LYPD6B: variants seen among roughly 807,000 people sequenced by gnomAD.
The protein encoded by LYPD6B is ly6/PLAUR domain-containing protein 6B.
LYPD6B carries 17 observed loss-of-function variants against 22.8 expected under a neutral mutation model. That is an observed-to-expected ratio of 0.75 (90% CI 0.51 to 1.12). The LOEUF is 1.12. Among genes scored for constraint, LYPD6B ranks in the 50% most tolerant of loss-of-function variants. LYPD6B has a pLI of 0.00. For synonymous variants in LYPD6B, 106 were observed against 91.6 expected (o/e 1.16, Z -0.90); for missense variants, 221 against 258.3 (o/e 0.86, Z 0.99).
intron 2 of LYPD6B, among the ~76,000 whole-genome samples, chr2:149,147,906 C>CTGTGTGTGTGTGTGTGTG (rs61441741): frequency 0.03 from 4,126 of 139,002 alleles, 108 homozygotes; most frequent in Non-Finnish European, 0.034. Flanking sequence ...GCACATGGGC[C>CTGTGTGTGTGTGTGTGTG]TGTGTGTGTG....
At chr2:149,147,906 CTG>C (rs61441741) in intron 2 of LYPD6B, among the ~76,000 whole-genome samples, 369 of 138,880 alleles carry the variant, frequency 2.7e-3, no homozygotes, top group Middle Eastern at 3.8e-3. Flanking sequence ...GCACATGGGC[CTG>C]TGTGTGTGTG....
intron 1 of LYPD6B, among the ~76,000 whole-genome samples, chr2:149,041,515 C>T (rs571897595): frequency 2.6e-5 from 4 of 152,278 alleles, no homozygotes; most frequent in East Asian, 3.9e-4. Flanking sequence ...AGCTATTTTC[C>T]GGAGCTGTAG....
chr2:149,191,886 T>C (rs1244159666), intron 3 of LYPD6B, among the ~76,000 whole-genome samples: 1 of 152,138 alleles, frequency 6.6e-6, no homozygotes, highest in African/African-American at 2.4e-5. Flanking sequence ...GCCTGAAGCT[T>C]GGGGCAGGCA....
chr2:149,206,595 C>T (rs1030370474), intron 4 of LYPD6B, among the ~76,000 whole-genome samples: 3 of 151,906 alleles, frequency 2.0e-5, no homozygotes, highest in Non-Finnish European at 4.4e-5. Context: ...AGAAAAAAAT[C>T]ATTTTAAAAA....
chr2:149,155,770 C>G (rs1689662770), intron 2 of LYPD6B, among the ~76,000 whole-genome samples: 1 of 152,200 alleles, frequency 6.6e-6, no homozygotes. Flanking sequence ...GGCCTAATGC[C>G]TGCCTATGCT....
chr2:149,100,165 A>G (rs1259266800), intron 1 of LYPD6B, among the ~76,000 whole-genome samples: 6 of 152,004 alleles, frequency 3.9e-5, no homozygotes, highest in Admixed American at 3.9e-4. Flanking sequence ...GTCATCCTGT[A>G]TTTTCAAGTT....
At chr2:149,163,303 C>A (rs1380641964) in intron 3 of LYPD6B, among the ~76,000 whole-genome samples, 1 of 152,130 alleles carries the variant, frequency 6.6e-6, no homozygotes, top group Non-Finnish European at 1.5e-5. Context: ...TCAAGATGAT[C>A]AGACCTGTAA....
chr2:149,175,528 A>C (rs1385627784), intron 3 of LYPD6B, among the ~76,000 whole-genome samples: 1 of 152,032 alleles, frequency 6.6e-6, no homozygotes, highest in South Asian at 2.1e-4. Flanking sequence ...ATTTATTAAA[A>C]ATATTTTTCT....
intron 1 of LYPD6B, among the ~76,000 whole-genome samples, chr2:149,057,186 TTATTC>T (rs1017666483): frequency 1.3e-5 from 2 of 152,094 alleles, no homozygotes; most frequent in African/African-American, 4.8e-5. Flanking sequence ...AAGAAACTCT[TTATTC>T]TAGTTTTATT....
chr2:149,125,923 A>G (rs1687671637), intron 1 of LYPD6B, among the ~76,000 whole-genome samples: 1 of 152,146 alleles, frequency 6.6e-6, no homozygotes, highest in African/African-American at 2.4e-5. Context: ...AAGAAAATAT[A>G]TTTCTTTCTC....
chr2:149,192,670 A>C (rs1350582887), intron 3 of LYPD6B, among the ~76,000 whole-genome samples: 2 of 151,978 alleles, frequency 1.3e-5, no homozygotes, highest in African/African-American at 4.8e-5. Flanking sequence ...GGATGTGGAG[A>C]GGATTAATTA....
intron 2 of LYPD6B, among the ~76,000 whole-genome samples, chr2:149,145,070 G>A (rs1688934685): frequency 6.6e-6 from 1 of 152,106 alleles, no homozygotes; most frequent in Non-Finnish European, 1.5e-5. Flanking sequence ...TCATAGCCTC[G>A]CTCAGATTCT....
intron 1 of LYPD6B, among the ~76,000 whole-genome samples, chr2:149,052,088 C>T (rs1029390261): frequency 3.9e-5 from 6 of 151,994 alleles, no homozygotes; most frequent in African/African-American, 4.8e-5. Flanking sequence ...GATGGAGTCT[C>T]GCTCTGTCAC....
chr2:149,150,955 T>A (rs406225), intron 2 of LYPD6B, among the ~76,000 whole-genome samples: 5 of 151,884 alleles, frequency 3.3e-5, no homozygotes, highest in Admixed American at 1.3e-4. Context: ...AGTCCTACCC[T>A]ATTCTCATTA....
chr2:149,190,351 A>G (rs1042028422), intron 3 of LYPD6B, among the ~76,000 whole-genome samples: 5 of 152,148 alleles, frequency 3.3e-5, no homozygotes, highest in Non-Finnish European at 5.9e-5. Context: ...TTGTTTTCAG[A>G]CATTTACTAT....
intron 1 of LYPD6B, among the ~76,000 whole-genome samples, chr2:149,076,118 T>C (rs1684868910): frequency 6.6e-6 from 1 of 152,096 alleles, no homozygotes; most frequent in Non-Finnish European, 1.5e-5. Context: ...GGGTTTTGAA[T>C]ATCGGAAAGT....
At chr2:149,140,198 G>T (rs998627234) in intron 2 of LYPD6B, among the ~76,000 whole-genome samples, 27 of 152,178 alleles carry the variant, frequency 1.8e-4, no homozygotes, top group Admixed American at 1.8e-3. Context: ...GTGGGAAAGG[G>T]CTGGGGACCC....
At chr2:149,188,086 TA>T (rs1692238922) in intron 3 of LYPD6B, among the ~76,000 whole-genome samples, 1 of 152,230 alleles carries the variant, frequency 6.6e-6, no homozygotes, top group African/African-American at 2.4e-5. Flanking sequence ...AGCATTTTTG[TA>T]AAATTGTCTT....
At chr2:149,160,898 T>C (rs1013619997) in intron 3 of LYPD6B, 63 bp downstream of exon 3, 2 of 1,232,220 alleles carry the variant, frequency 1.6e-6, no homozygotes, top group Non-Finnish European at 2.3e-6. Flanking sequence ...GTTAAGTTGT[T>C]GGGAATGGAC....
Sources: gnomAD v4.1 joint callset for allele counts (sites outside exome capture counted in the v4.1 genomes callset) on GRCh38, gnomAD v4.1.1 for gene constraint, MANE v1.5 for transcripts, NCBI Gene and HGNC (gene_info 2026-07-23, HGNC 2026-07-21) for gene names.